The following ERO1B variants were observed in gnomAD, a reference collection of about 807,000 sequenced individuals.
The protein encoded by ERO1B is endoplasmic reticulum oxidoreductase 1 beta, also known as ERO1-like protein beta.
In ERO1B, 49 loss-of-function variants were observed where a neutral mutation model predicts 75.3. The observed-to-expected ratio is 0.65, with a 90% CI of 0.52 to 0.83. The LOEUF (loss-of-function observed/expected upper bound fraction) is 0.83. Ranked by LOEUF, ERO1B falls within the 40% of genes least tolerant of loss-of-function variation. The pLI is 0.00. For synonymous variants in ERO1B, 191 were observed against 192.9 expected (o/e 0.99, Z 0.08); for missense variants, 512 against 560.1 (o/e 0.91, Z 0.87).
intron 1 of ERO1B, among the ~76,000 whole-genome samples, chr1:236,276,938 G>A (rs1487692324): frequency 6.6e-6 from 1 of 152,128 alleles, no homozygotes; most frequent in Non-Finnish European, 1.5e-5. Context: ...CCCCCTTGCT[G>A]TTCTCCTGAT....
At chr1:236,237,288 T>C (rs1287550633) in intron 6 of ERO1B, among the ~76,000 whole-genome samples, 1 of 152,040 alleles carries the variant, frequency 6.6e-6, no homozygotes, top group East Asian at 1.9e-4. Flanking sequence ...TCTGGCTTTT[T>C]GTATTTTTAG....
In ERO1B at chr1:236,253,496, T is replaced by C. The variant is rs1558516782; in HGVS notation, c.232A>G (p.Lys78Glu). ...DYFRYYKVNL[K>E]RPCPFWAEDG... ...TCTGCCCAGAAAGGACAAGGTCGCTTCAGATTAACCTTGAAAGAAAGAACA... is the reference window on the plus strand; with the variant it reads ...TCTGCCCAGAAAGGACAAGGTCGCTCCAGATTAACCTTGAAAGAAAGAACA... The change falls in exon 3 of 16, where the codon AAG becomes GAG. Residue 78 changes from lysine (K) to glutamate (E), a missense_variant. Transcript: ENST00000354619. 2 of 1,605,914 alleles carry C rather than the reference T, an allele frequency of 1.2e-6. No homozygotes were observed. The highest frequency in any genetic ancestry group is 3.3e-4 in the Middle Eastern group (2 of 6,050).
chr1:236,232,848 G>A lies in ERO1B; in HGVS notation c.674-9C>T. On this transcript the variant is annotated splice_polypyrimidine_tract_variant and intron_variant, in intron 8 of 15. Transcript: ENST00000354619. Reference sequence around the variant, plus strand: ...CTCACCATCATCTTCGCCTAAAAGAGAAAATAATAGAAAAGATTTTAGAAA... The same window carrying A: ...CTCACCATCATCTTCGCCTAAAAGAAAAAATAATAGAAAAGATTTTAGAAA... 1.3e-6 allele frequency: 2 copies of A among 1,589,026 alleles called. No individual in the cohort carries two copies. Among genetic ancestry groups the A allele is most frequent in the East Asian group, 4.6e-5 (2 of 43,690 alleles).
At chr1:236,221,614 T>C (rs573637731) in intron 14 of ERO1B, among the ~76,000 whole-genome samples, 26 of 152,286 alleles carry the variant, frequency 1.7e-4, no homozygotes, top group African/African-American at 6.3e-4. Flanking sequence ...TACCTTTCTA[T>C]ATACATATGT....
At chr1:236,255,458 T>C (rs1037041703) in intron 2 of ERO1B, among the ~76,000 whole-genome samples, 1 of 152,170 alleles carries the variant, frequency 6.6e-6, no homozygotes, top group African/African-American at 2.4e-5. Flanking sequence ...TATCTGCTTA[T>C]TGTCTGCGCC....
At chr1:236,261,530 TGA>T (rs1481431954) in intron 2 of ERO1B, among the ~76,000 whole-genome samples, 1 of 151,998 alleles carries the variant, frequency 6.6e-6, no homozygotes, top group East Asian at 1.9e-4. Context: ...CCCCCAAAAT[TGA>T]GAGATCATAT....
chr1:236,254,529 T>A (rs1367903012), intron 2 of ERO1B, among the ~76,000 whole-genome samples: 2 of 152,238 alleles, frequency 1.3e-5, no homozygotes, highest in Non-Finnish European at 1.5e-5. Flanking sequence ...CTCTGGCCTA[T>A]CTCTCTGACC....
At chr1:236,224,597 CAT>C (rs1664233256) in intron 13 of ERO1B, among the ~76,000 whole-genome samples, 1 of 151,994 alleles carries the variant, frequency 6.6e-6, no homozygotes, top group African/African-American at 2.4e-5. Flanking sequence ...GTTCCCAAAA[CAT>C]ATTCTCCTTC....
rs1231944397 is a variant in ERO1B, at chr1:236,239,891, GTATA to G, written c.506-3497_506-3494del. On this transcript the variant is annotated intron_variant, in intron 6 of 15. Transcript: ENST00000354619. ...TATATGTGTATATGTGTGTGTGTGT[GTATA>G]TATATATATATATATATTTTTTTTT... Among the ~76,000 whole-genome samples, 239 of 61,890 alleles carry G rather than the reference GTATA, an allele frequency of 3.9e-3. 4 individuals are homozygous for G. The highest frequency in any genetic ancestry group is 6.8e-3 in the Non-Finnish European group (175 of 25,824). The allele number at this position is 61,890 out of a possible 152,430, so 40.6% of individuals were successfully genotyped here. A position where few individuals can be genotyped will look rare whatever the true frequency, so the allele number is the denominator to read the frequency against.
chr1:236,221,431 T>C (rs972577780), intron 14 of ERO1B, among the ~76,000 whole-genome samples: 9 of 152,180 alleles, frequency 5.9e-5, no homozygotes, highest in Admixed American at 3.9e-4. Flanking sequence ...TAAGTTACCA[T>C]CTTTGTTAGA....
At chr1:236,238,540 T>TA (rs67247823) in intron 6 of ERO1B, among the ~76,000 whole-genome samples, 3 of 114,270 alleles carry the variant, frequency 2.6e-5, no homozygotes, top group Admixed American at 9.0e-5. Flanking sequence ...TTTTTTTTTT[T>TA]AAAAAAAAAA....
intron 2 of ERO1B, among the ~76,000 whole-genome samples, chr1:236,258,154 A>AAAAAAAAC (rs1326518669): frequency 7.1e-6 from 1 of 140,700 alleles, no homozygotes; most frequent in African/African-American, 2.6e-5. Context: ...CAAAGCAAAA[A>AAAAAAAAC]AAAAAAAAAC....
At chr1:236,220,747 C>T in intron 15 of ERO1B, 85 bp downstream of exon 15, 2 of 1,363,684 alleles carry the variant, frequency 1.5e-6, no homozygotes, top group Non-Finnish European at 1.9e-6. Flanking sequence ...CAAAACAAAC[C>T]CTACTTTTAG....
intron 2 of ERO1B, among the ~76,000 whole-genome samples, chr1:236,255,185 C>T (rs758921124): frequency 1.3e-5 from 2 of 151,978 alleles, no homozygotes; most frequent in African/African-American, 2.4e-5. Context: ...ATCCACCCAC[C>T]TCAGACTCCC....
chr1:236,223,202 CAAA>C (rs11322079), intron 13 of ERO1B, among the ~76,000 whole-genome samples: 7 of 80,936 alleles, frequency 8.6e-5, no homozygotes, highest in Admixed American at 1.4e-4. Context: ...AACTCTGTCT[CAAA>C]AAAAAAAAAA....
chr1:236,234,930 T>C (rs537555986), intron 8 of ERO1B, among the ~76,000 whole-genome samples: 1 of 152,282 alleles, frequency 6.6e-6, no homozygotes, highest in Middle Eastern at 3.4e-3. Flanking sequence ...ACTTAAAATG[T>C]TTCTAATAGC....
intron 5 of ERO1B, among the ~76,000 whole-genome samples, chr1:236,249,025 C>CTTT (rs11367113): frequency 8.5e-6 from 1 of 118,150 alleles, no homozygotes; most frequent in African/African-American, 2.9e-5. Flanking sequence ...AAATACAAAT[C>CTTT]TTTTTTTTTT....
chr1:236,254,293 TC>T (rs1264634646), intron 2 of ERO1B, among the ~76,000 whole-genome samples: 1 of 152,210 alleles, frequency 6.6e-6, no homozygotes, highest in Non-Finnish European at 1.5e-5. Context: ...CTTTTCTTGT[TC>T]CCCATCAAAC....
At chr1:236,264,193 T>C (rs756818292) in intron 2 of ERO1B, among the ~76,000 whole-genome samples, 2 of 152,132 alleles carry the variant, frequency 1.3e-5, no homozygotes, top group Non-Finnish European at 2.9e-5. Flanking sequence ...CTCTACCTCC[T>C]GGGTTCAAGC....
Sources: gnomAD v4.1 joint callset for allele counts (sites outside exome capture counted in the v4.1 genomes callset) on GRCh38, gnomAD v4.1.1 for gene constraint, MANE v1.5 for transcripts, NCBI Gene and HGNC (gene_info 2026-07-23, HGNC 2026-07-21) for gene names.